The following NEGR1 variants were observed in gnomAD, a reference collection of about 807,000 sequenced individuals.
NEGR1 encodes the protein IgLON family member 4.
In NEGR1, 10 loss-of-function variants were observed where a neutral mutation model predicts 40.9. The ratio of observed to expected loss-of-function variants is 0.24; its 90% CI spans 0.15 to 0.42. The LOEUF (loss-of-function observed/expected upper bound fraction) is 0.42. Ranked by LOEUF, NEGR1 falls within the 10% of genes least tolerant of loss-of-function variation. The pLI is 1.00. For missense variants in NEGR1, 352 were observed against 438.9 expected (o/e 0.80, Z 1.77); for synonymous variants, 185 against 166.8 (o/e 1.11, Z -0.84).
In NEGR1 at chr1:71,416,797, G is replaced by A. The variant is rs1646358898; in HGVS notation, c.941-9227C>T. Reference sequence around the variant, plus strand: ...CCCAGGACACATCCAAGCCTTTGCTGCACTTTTGTATTTGCAGTTTGCCTT... The same window carrying A: ...CCCAGGACACATCCAAGCCTTTGCTACACTTTTGTATTTGCAGTTTGCCTT... On this transcript the variant is annotated intron_variant, in intron 6 of 6. Transcript: ENST00000357731. 2.0e-5 allele frequency among the ~76,000 whole-genome samples: 3 copies of A among 152,144 alleles called. No homozygotes were observed. In the South Asian group the frequency reaches 6.2e-4, roughly 32 times the overall value.
At chr1:71,780,715 T>G (rs907688109) in intron 2 of NEGR1, among the ~76,000 whole-genome samples, 2 of 152,252 alleles carry the variant, frequency 1.3e-5, no homozygotes, top group Non-Finnish European at 2.9e-5. Flanking sequence ...TAGTACCTGG[T>G]CTTCAACTTT....
chr1:71,973,274 C>T (rs1646273506), intron 1 of NEGR1, among the ~76,000 whole-genome samples: 1 of 150,688 alleles, frequency 6.6e-6, no homozygotes, highest in Admixed American at 6.6e-5. Context: ...CGAGATCGCG[C>T]CACTGCACTC....
At chr1:71,817,467 A>G (rs1430063283) in intron 2 of NEGR1, among the ~76,000 whole-genome samples, 1 of 152,034 alleles carries the variant, frequency 6.6e-6, no homozygotes, top group African/African-American at 2.4e-5. Context: ...CTCCTTTCAT[A>G]GGCGCTATTC....
intron 1 of NEGR1, among the ~76,000 whole-genome samples, chr1:72,078,276 C>T (rs1421138612): frequency 1.3e-5 from 2 of 152,020 alleles, no homozygotes; most frequent in Non-Finnish European, 2.9e-5. Flanking sequence ...GCTATAGCAC[C>T]GTAATATCTC....
intron 1 of NEGR1, among the ~76,000 whole-genome samples, chr1:72,257,984 G>C (rs1348442728): frequency 6.6e-6 from 1 of 152,168 alleles, no homozygotes; most frequent in Non-Finnish European, 1.5e-5. Context: ...TAAGAAGTGT[G>C]AAGTGTCCTA....
At chr1:71,816,445 T>C (rs1658215712) in intron 2 of NEGR1, among the ~76,000 whole-genome samples, 1 of 152,078 alleles carries the variant, frequency 6.6e-6, no homozygotes. Context: ...CTCACAATCA[T>C]GGCAGAAGGT....
intron 4 of NEGR1, among the ~76,000 whole-genome samples, chr1:71,649,208 T>C (rs561838072): frequency 6.6e-6 from 1 of 152,236 alleles, no homozygotes; most frequent in South Asian, 2.1e-4. Context: ...CAGTACTAGT[T>C]GTATGTGCAG....
intron 1 of NEGR1, among the ~76,000 whole-genome samples, chr1:71,979,462 G>A (rs923217570): frequency 6.6e-6 from 1 of 152,248 alleles, no homozygotes; most frequent in East Asian, 1.9e-4. Context: ...ATTCCAGATT[G>A]TGGTGAGAAG....
At chr1:72,005,342 C>A (rs1646597638) in intron 1 of NEGR1, among the ~76,000 whole-genome samples, 1 of 152,058 alleles carries the variant, frequency 6.6e-6, no homozygotes, top group Admixed American at 6.6e-5. Context: ...TAAACAAACT[C>A]AAGAAGTCAA....
chr1:71,995,917 T>C (rs1646500365), intron 1 of NEGR1, among the ~76,000 whole-genome samples: 1 of 152,160 alleles, frequency 6.6e-6, no homozygotes, highest in Admixed American at 6.5e-5. Flanking sequence ...TAGTAGCTAG[T>C]TTTGTTAATT....
intron 6 of NEGR1, among the ~76,000 whole-genome samples, chr1:71,588,440 A>G (rs776547133): frequency 1.5e-4 from 23 of 152,024 alleles, no homozygotes; most frequent in Non-Finnish European, 2.4e-4. Flanking sequence ...CCAATTTTGT[A>G]CTTTTTACAA....
At chr1:71,678,612 C>G (rs577031582) in intron 4 of NEGR1, among the ~76,000 whole-genome samples, 1 of 152,116 alleles carries the variant, frequency 6.6e-6, no homozygotes, top group South Asian at 2.1e-4. Flanking sequence ...CATATAACAC[C>G]TATGAGTGGA....
At chr1:72,258,648 A>G (rs1655355228) in intron 1 of NEGR1, among the ~76,000 whole-genome samples, 1 of 152,204 alleles carries the variant, frequency 6.6e-6, no homozygotes, top group Admixed American at 6.5e-5. Context: ...AATGTAATGC[A>G]TATATACAGA....
intron 3 of NEGR1, among the ~76,000 whole-genome samples, chr1:71,762,925 T>C (rs1184168243): frequency 1.3e-5 from 2 of 151,912 alleles, no homozygotes; most frequent in Non-Finnish European, 2.9e-5. Flanking sequence ...TCAGTTGACC[T>C]GCCATAAAAG....
rs116182246 is a variant in NEGR1, at chr1:72,097,205, C to T, written c.177-161894G>A. On this transcript the variant is annotated intron_variant, in intron 1 of 6. Coordinates refer to ENST00000357731, the MANE Select transcript of NEGR1 (RefSeq NM_173808.3). ...TGAAACCCACTGCCACCACCATCTA[C>T]TAGCTAATCAATATTTTAACTTGTT... 6.2e-3 allele frequency among the ~76,000 whole-genome samples: 941 copies of T among 152,302 alleles called. 3 individuals are homozygous for T. Among genetic ancestry groups the T allele is most frequent in the Non-Finnish European group, 9.4e-3 (641 of 68,028 alleles).
intron 4 of NEGR1, among the ~76,000 whole-genome samples, chr1:71,612,209 A>G (rs1650285914): frequency 6.6e-6 from 1 of 152,190 alleles, no homozygotes; most frequent in African/African-American, 2.4e-5. Flanking sequence ...GCGACACAGC[A>G]AGACTCCGTC....
intron 2 of NEGR1, among the ~76,000 whole-genome samples, chr1:71,908,775 T>C (rs984323654): frequency 6.6e-6 from 1 of 152,160 alleles, no homozygotes; most frequent in Non-Finnish European, 1.5e-5. Flanking sequence ...AGTGTTACAG[T>C]TTTTTTAGTA....
intron 1 of NEGR1, among the ~76,000 whole-genome samples, chr1:72,082,241 G>A (rs1321812065): frequency 6.6e-6 from 1 of 152,086 alleles, no homozygotes; most frequent in Non-Finnish European, 1.5e-5. Context: ...AAAGGAAAGA[G>A]ATCCTTAATA....
chr1:71,946,903 C>T (rs1429728838), intron 1 of NEGR1, among the ~76,000 whole-genome samples: 1 of 151,572 alleles, frequency 6.6e-6, no homozygotes, highest in Non-Finnish European at 1.5e-5. Flanking sequence ...CATAACAAAA[C>T]CCCATCTCTA....
Sources: gnomAD v4.1 joint callset for allele counts (sites outside exome capture counted in the v4.1 genomes callset) on GRCh38, gnomAD v4.1.1 for gene constraint, MANE v1.5 for transcripts, NCBI Gene and HGNC (gene_info 2026-07-23, HGNC 2026-07-21) for gene names.